SENP7: variants seen among roughly 807,000 people sequenced by gnomAD.
SENP7 encodes the protein sentrin-specific protease 7.
SENP7 carries 64 observed loss-of-function variants against 141.2 expected under a neutral mutation model. The observed-to-expected ratio is 0.45, with a 90% CI of 0.37 to 0.56. The LOEUF is 0.56. Ranked by LOEUF, SENP7 falls within the 20% of genes least tolerant of loss-of-function variation. The pLI, the probability that SENP7 is intolerant of heterozygous loss-of-function variation, is 0.00. For synonymous variants in SENP7, 382 were observed against 426.4 expected (o/e 0.90, Z 1.28); for missense variants, 1,025 against 1,212.2 (o/e 0.85, Z 2.29).
chr3:101,504,482 C>T (rs1039294457), intron 1 of SENP7, among the ~76,000 whole-genome samples: 2 of 151,624 alleles, frequency 1.3e-5, no homozygotes, highest in African/African-American at 4.8e-5. Context: ...AAATTATTTT[C>T]ACCTCTACAC....
Position 101,330,506 on chromosome 3 carries a change from G to A in SENP7, c.2699-120C>T, listed in dbSNP as rs2271974. The A allele has an allele frequency of 1.5e-5, 8 of 525,284 alleles. No homozygotes were observed. The East Asian group carries it at 2.7e-4, about 18-fold the overall frequency. The allele number at this position is 525,284 out of a possible 1,614,324, so 32.5% of individuals were successfully genotyped here. ...CTGGATGCACAGTAAAAATACTTGA[G>A]ATTTAATTTTTTTCATGATTAATGT... On this transcript the variant is annotated intron_variant, in intron 19 of 23. Coordinates refer to ENST00000394095, the MANE Select transcript of SENP7 (RefSeq NM_020654.5).
chr3:101,400,315 G>A (rs1056070138), intron 5 of SENP7, among the ~76,000 whole-genome samples: 3 of 152,118 alleles, frequency 2.0e-5, no homozygotes, highest in Admixed American at 2.0e-4. Context: ...GAAAGAGCCA[G>A]AGTACGAGCA....
At position 101,463,364 on chromosome 3, in the gene SENP7, A is replaced by AATATATAT. The variant is rs71625265; in HGVS notation, c.187-4320_187-4313dup. Among the ~76,000 whole-genome samples the AATATATAT allele has an allele frequency of 7.2e-3, 640 of 88,834 alleles. 4 individuals are homozygous for AATATATAT. The highest frequency in any genetic ancestry group is 9.2e-3 in the African/African-American group (225 of 24,536). 58.3% of individuals were successfully genotyped at this position (88,834 alleles called of 152,430 possible). On this transcript the variant is annotated intron_variant, in intron 3 of 23. Transcript: ENST00000394095. ...ACCATGTATCATAAATAAATAAATAAATATATATATATATATATATATATA... is the reference window on the plus strand; with the variant it reads ...ACCATGTATCATAAATAAATAAATAAATATATATATATATATATATATATATATATATA...
intron 6 of SENP7, among the ~76,000 whole-genome samples, chr3:101,387,139 C>T (rs1037543393): frequency 2.6e-5 from 4 of 152,170 alleles, no homozygotes; most frequent in Admixed American, 1.3e-4. Flanking sequence ...CAGCCCTACC[C>T]AATGCAGCCG....
intron 11 of SENP7, chr3:101,357,672 G>T: frequency 1.3e-6 from 1 of 745,958 alleles, no homozygotes; most frequent in South Asian, 1.5e-5. Flanking sequence ...ACTACCCAGA[G>T]AAAAATATTT....
chr3:101,438,828 CG>C (rs1559825509), intron 4 of SENP7, among the ~76,000 whole-genome samples: 1 of 152,056 alleles, frequency 6.6e-6, no homozygotes, highest in Admixed American at 6.6e-5. Context: ...GCCGCCGCGC[CG>C]GCGAGCGCCG....
At chr3:101,353,546 G>C (rs1324933295) in intron 11 of SENP7, among the ~76,000 whole-genome samples, 1 of 151,984 alleles carries the variant, frequency 6.6e-6, no homozygotes, top group Non-Finnish European at 1.5e-5. Context: ...TTTTGTGGCA[G>C]TAAGGTAAAC....
At chr3:101,435,231 TA>T (rs34513360) in intron 4 of SENP7, among the ~76,000 whole-genome samples, 102,879 of 150,880 alleles carry the variant, frequency 0.68, 35,414 homozygotes, top group African/African-American at 0.78. Context: ...TTCTTCATAA[TA>T]AAAAAAAAAC....
chr3:101,492,855 C>T (rs1311061290), intron 3 of SENP7, among the ~76,000 whole-genome samples: 2 of 151,970 alleles, frequency 1.3e-5, no homozygotes, highest in African/African-American at 4.8e-5. Flanking sequence ...TTTTAAGTAG[C>T]CAGGCACCTG....
chr3:101,367,395 C>G (rs768798642), intron 8 of SENP7, among the ~76,000 whole-genome samples: 1 of 151,492 alleles, frequency 6.6e-6, no homozygotes, highest in Non-Finnish European at 1.5e-5. Context: ...GAATAAATTC[C>G]CTAAACTCTA....
intron 7 of SENP7, 77 bp from the exon 8 acceptor site, chr3:101,368,088 T>C (rs963981717): frequency 4.7e-6 from 5 of 1,074,590 alleles, no homozygotes; most frequent in Non-Finnish European, 6.8e-6. Context: ...CGAAGTAACA[T>C]CATCAGGATT....
intron 2 of SENP7, among the ~76,000 whole-genome samples, chr3:101,496,985 G>A (rs1259123946): frequency 6.6e-6 from 1 of 152,198 alleles, no homozygotes. Flanking sequence ...GAGGGAAAAG[G>A]CAGTAATATA....
intron 11 of SENP7, chr3:101,358,372 T>C: frequency 7.4e-6 from 4 of 540,140 alleles, no homozygotes; most frequent in East Asian, 5.5e-5. Context: ...ATCTTTTAAA[T>C]GTTCCTCAAC....
intron 7 of SENP7, 58 bp from the exon 8 acceptor site, chr3:101,368,069 A>G: frequency 7.3e-7 from 1 of 1,362,066 alleles, no homozygotes; most frequent in Non-Finnish European, 1.0e-6. Flanking sequence ...AATCTCTTTT[A>G]GAAAAGCTCG....
At position 101,371,997 on chromosome 3, in the gene SENP7, G is replaced by A; in HGVS notation, c.796+11C>T. On this transcript the variant is annotated intron_variant, in intron 7 of 23. Coordinates refer to ENST00000394095, the MANE Select transcript of SENP7 (RefSeq NM_020654.5). ...AATTCAAATTCCAACAGTTTTCTAA[G>A]GTTCACAAACCTTCAGGCTGAGTAT... 2 of 1,265,424 alleles carry A rather than the reference G, an allele frequency of 1.6e-6. No individual in the cohort carries two copies. Among genetic ancestry groups the A allele is most frequent in the Non-Finnish European group, 2.1e-6 (2 of 939,018 alleles). 78.4% of individuals were successfully genotyped at this position (1,265,424 alleles called of 1,614,324 possible). A position where few individuals can be genotyped will look rare whatever the true frequency, so the allele number is the denominator to read the frequency against.
At chr3:101,436,807 G>T (rs1028059358) in intron 4 of SENP7, among the ~76,000 whole-genome samples, 8 of 152,182 alleles carry the variant, frequency 5.3e-5, no homozygotes, top group South Asian at 2.1e-4. Flanking sequence ...GGAGAAAAGG[G>T]AACACTTACA....
chr3:101,469,059 T>G (rs1377049149), intron 3 of SENP7, among the ~76,000 whole-genome samples: 1 of 151,102 alleles, frequency 6.6e-6, no homozygotes, highest in Non-Finnish European at 1.5e-5. Flanking sequence ...AAGCAGGGGT[T>G]GCAATCCTAG....
At chr3:101,348,929 C>A (rs1294509954) in intron 12 of SENP7, among the ~76,000 whole-genome samples, 1 of 152,150 alleles carries the variant, frequency 6.6e-6, no homozygotes, top group African/African-American at 2.4e-5. Flanking sequence ...TTGAAACACA[C>A]CTCTTAGTAT....
intron 7 of SENP7, 25 bp downstream of exon 7, chr3:101,371,983 C>A (rs746916926): frequency 1.9e-6 from 2 of 1,072,860 alleles, no homozygotes; most frequent in South Asian, 2.5e-5. Context: ...ATTCAAATTC[C>A]AACAGTTTTC....
Sources: gnomAD v4.1 joint callset for allele counts (sites outside exome capture counted in the v4.1 genomes callset) on GRCh38, gnomAD v4.1.1 for gene constraint, MANE v1.5 for transcripts, NCBI Gene and HGNC (gene_info 2026-07-23, HGNC 2026-07-21) for gene names.